The following CTNNA3 variants were observed in gnomAD, a reference collection of about 807,000 sequenced individuals.
CTNNA3 encodes catenin alpha 3, also known as catenin alpha-3.
In CTNNA3, 76 loss-of-function variants were observed where a neutral mutation model predicts 95.7. That is an observed-to-expected ratio of 0.79 (90% CI 0.66 to 0.96). CTNNA3 has a LOEUF of 0.96. CTNNA3 is among the 40% of genes least tolerant of loss of function. CTNNA3 has a pLI of 0.00. For missense variants in CTNNA3, 1,191 were observed against 1,089.8 expected, an observed-to-expected ratio of 1.09 and a Z score of -1.31; for synonymous variants, 431 against 374.4, an observed-to-expected ratio of 1.15 and a Z score of -1.74.
intron 1 of CTNNA3, among the ~76,000 whole-genome samples, chr10:67,678,735 G>A (rs1167571806): frequency 6.6e-6 from 1 of 152,134 alleles, no homozygotes; most frequent in African/African-American, 2.4e-5. Flanking sequence ...CACACAGATG[G>A]TATACAAGGA....
chr10:66,260,400 C>T (rs950718764), intron 13 of CTNNA3, among the ~76,000 whole-genome samples: 4 of 152,056 alleles, frequency 2.6e-5, no homozygotes, highest in African/African-American at 9.7e-5. Context: ...ACCTAAGTTC[C>T]CATTCTTTCT....
intron 16 of CTNNA3, among the ~76,000 whole-genome samples, chr10:65,986,336 A>T (rs2078427588): frequency 6.6e-6 from 1 of 151,050 alleles, no homozygotes; most frequent in Admixed American, 6.6e-5. Context: ...CAAAAAAAAA[A>T]AACTCTTAGA....
At chr10:67,555,473 T>C (rs940056298) in intron 3 of CTNNA3, among the ~76,000 whole-genome samples, 25 of 152,226 alleles carry the variant, frequency 1.6e-4, no homozygotes, top group South Asian at 4.1e-4. Context: ...CCTTCACATA[T>C]CTTGTAAGTT....
intron 7 of CTNNA3, among the ~76,000 whole-genome samples, chr10:66,827,136 C>G (rs1297714650): frequency 6.6e-6 from 1 of 152,206 alleles, no homozygotes; most frequent in African/African-American, 2.4e-5. Context: ...ATCTACTAGT[C>G]TCAGTCTCCT....
intron 3 of CTNNA3, among the ~76,000 whole-genome samples, chr10:67,545,487 A>G (rs1285490240): frequency 6.6e-6 from 1 of 152,160 alleles, no homozygotes; most frequent in African/African-American, 2.4e-5. Flanking sequence ...AAACCTATCA[A>G]ATATAAGTGT....
intron 5 of CTNNA3, among the ~76,000 whole-genome samples, chr10:67,407,629 T>C (rs947612973): frequency 2.0e-5 from 3 of 152,156 alleles, no homozygotes; most frequent in African/African-American, 7.2e-5. Context: ...TCAAACTCTC[T>C]TCGTTTGCAG....
chr10:67,336,683 G>A (rs1200058617), intron 5 of CTNNA3, among the ~76,000 whole-genome samples: 1 of 152,178 alleles, frequency 6.6e-6, no homozygotes, highest in African/African-American at 2.4e-5. Flanking sequence ...GGACTCTCTT[G>A]CTGGGGCTAA....
At chr10:66,002,156 G>T (rs2078783455) in intron 15 of CTNNA3, among the ~76,000 whole-genome samples, 2 of 152,098 alleles carry the variant, frequency 1.3e-5, no homozygotes, top group South Asian at 4.1e-4. Context: ...AAAAAAAGTA[G>T]TTATCATGGA....
At position 67,746,120 on chromosome 10, in the gene CTNNA3, G is replaced by A. The variant is rs549461376; in HGVS notation, c.-2+17314C>T. The stretch of plus-strand genomic sequence containing the variant: ...ACAAAGGCCCCAAATAGCCAAAGAC[G>A]TCCTGAGGAAAAACAACAAAGCTGG... On this transcript the variant is annotated intron_variant, in intron 1 of 17. Coordinates refer to the CTNNA3 transcript ENST00000684154. Among the ~76,000 whole-genome samples the A allele has an allele frequency of 1.3e-4, 20 of 152,130 alleles. No individual in the cohort carries two copies. In the South Asian group the frequency reaches 3.5e-3, roughly 27 times the overall value.
At chr10:66,294,666 T>A (rs2091744810) in intron 12 of CTNNA3, among the ~76,000 whole-genome samples, 2 of 152,120 alleles carry the variant, frequency 1.3e-5, no homozygotes, top group Admixed American at 1.3e-4. Context: ...GATAGAAACT[T>A]CACGATTTTA....
chr10:66,536,136 T>TGAGAGAGAGAGAGAGA (rs71035152), intron 10 of CTNNA3, among the ~76,000 whole-genome samples: 1 of 143,756 alleles, frequency 7.0e-6, no homozygotes, highest in Non-Finnish European at 1.5e-5. Flanking sequence ...TGAAACGACA[T>TGAGAGAGAGAGAGAGA]GAGAGAGAGA....
At chr10:67,255,495 GCT>G (rs1866309455) in intron 5 of CTNNA3, among the ~76,000 whole-genome samples, 1 of 152,004 alleles carries the variant, frequency 6.6e-6, no homozygotes, top group African/African-American at 2.4e-5. Context: ...ACGCTAATTG[GCT>G]CTGTGTATAG....
chr10:66,457,749 A>G (rs1200337730), intron 11 of CTNNA3, among the ~76,000 whole-genome samples: 1 of 152,092 alleles, frequency 6.6e-6, no homozygotes, highest in African/African-American at 2.4e-5. Context: ...CACTGAAACA[A>G]AAATAGCGAG....
chr10:67,135,074 T>C (rs564849577), intron 7 of CTNNA3, among the ~76,000 whole-genome samples: 173 of 152,220 alleles, frequency 1.1e-3, no homozygotes, highest in African/African-American at 4.0e-3. Context: ...CAAGTTGATA[T>C]GGTTCTGGAG....
In CTNNA3 at chr10:66,686,878, T is replaced by A. The variant is rs1449370171; in HGVS notation, c.1282-65094A>T. On this transcript the variant is annotated intron_variant, in intron 9 of 17. Coordinates refer to ENST00000433211, the MANE Select transcript of CTNNA3 (RefSeq NM_013266.4). ...ACCAATAAATCTCTGTGATTTGCTT[T>A]AGTTTGAGTTGTTGTTGTTTTTTGT... Among the ~76,000 whole-genome samples the A allele has an allele frequency of 4.5e-4, 68 of 152,310 alleles. 1 individual carries two copies. The South Asian group carries it at 0.013, about 29-fold the overall frequency.
rs1840447889 is a variant in CTNNA3 at position 67,304,261 on chromosome 10, T to A, written c.580-84391A>T. ...TCAGAATTTGTCTGAATGTGAAGTC[T>A]CAGCCATCCTTGTCAAACCCATCTC... On this transcript the variant is annotated intron_variant, in intron 5 of 17. Coordinates refer to ENST00000433211, the MANE Select transcript of CTNNA3 (RefSeq NM_013266.4). Among the ~76,000 whole-genome samples, 7 of 152,316 alleles carry A rather than the reference T, an allele frequency of 4.6e-5. No individual in the cohort carries two copies. In the South Asian group the frequency reaches 1.4e-3, roughly 32 times the overall value.
intron 7 of CTNNA3, among the ~76,000 whole-genome samples, chr10:66,976,393 C>T: frequency 6.6e-6 from 1 of 152,088 alleles, no homozygotes; most frequent in South Asian, 2.1e-4. Flanking sequence ...GTCAAACATC[C>T]TCTCGACTCT....
chr10:66,997,003 A>G (rs1851392009), intron 7 of CTNNA3, among the ~76,000 whole-genome samples: 2 of 152,162 alleles, frequency 1.3e-5, no homozygotes, highest in Admixed American at 1.3e-4. Context: ...AGAATAAGAC[A>G]GACATTTAGC....
chr10:67,501,593 G>A (rs1439759083), intron 5 of CTNNA3, among the ~76,000 whole-genome samples: 1 of 152,140 alleles, frequency 6.6e-6, no homozygotes, highest in Non-Finnish European at 1.5e-5. Flanking sequence ...ATCACTTTCA[G>A]ATATATCAGT....
Sources: allele counts gnomAD v4.1 joint callset (sites outside exome capture counted in the v4.1 genomes callset), GRCh38; gene constraint gnomAD v4.1.1; transcripts MANE v1.5; gene names NCBI Gene and HGNC (gene_info 2026-07-23, HGNC 2026-07-21).